ZNF469: variants seen among roughly 807,000 people sequenced by gnomAD.
ZNF469 encodes zinc finger protein 469.
In ZNF469, 1 loss-of-function variant was observed where a neutral mutation model predicts 1.0. The ratio of observed to expected loss-of-function variants is 1.00; its 90% CI spans 0.35 to 4.73. The LOEUF is 4.73. ZNF469 is among the 30% of genes most tolerant of loss of function. The pLI is 0.16. For synonymous variants in ZNF469, 2,703 were observed against 2,363.4 expected, an observed-to-expected ratio of 1.14 and a Z score of -4.17; for missense variants, 6,100 against 5,356.3, an observed-to-expected ratio of 1.14 and a Z score of -4.33.
chr16:88,434,823 T>C lies in ZNF469; in HGVS notation c.7353T>C (p.Tyr2451=). 6.5e-7 allele frequency: 1 copy of C among 1,550,272 alleles called. No homozygotes were observed. Among genetic ancestry groups the C allele is most frequent in the East Asian group, 2.4e-5 (1 of 40,908 alleles). The change falls in exon 3 of 3, where the codon TAT becomes TAC. Residue 2451 remains tyrosine, a synonymous_variant. Coordinates refer to ENST00000565624, the MANE Select transcript of ZNF469 (RefSeq NM_001367624.2). ...PQDLKQRSRG[Y]KKKPASTENG... ...ACCTCAAACAGAGGTCCCGTGGCTA[T>C]AAAAAGAAGCCTGCATCTACAGAGA...
chr16:88,134,044 G>A, the ZNF469 span, among the ~76,000 whole-genome samples: 1 of 152,206 alleles, frequency 6.6e-6, no homozygotes, highest in Non-Finnish European at 1.5e-5. Flanking sequence ...GCTGCTGCGA[G>A]CTGAGATTGT....
intron 1 of ZNF469, among the ~76,000 whole-genome samples, chr16:88,423,805 CAT>C (rs1905586570): frequency 6.6e-6 from 1 of 152,222 alleles, no homozygotes; most frequent in Admixed American, 6.5e-5. Flanking sequence ...TGCTTCCCCA[CAT>C]GTGTGATCTA....
the ZNF469 span, among the ~76,000 whole-genome samples, chr16:88,353,143 G>C: frequency 6.6e-6 from 1 of 152,170 alleles, no homozygotes; most frequent in Non-Finnish European, 1.5e-5. Context: ...AGAGAATGCT[G>C]GTCGCCTAAC....
chr16:88,234,153 G>A, the ZNF469 span, among the ~76,000 whole-genome samples: 7 of 152,226 alleles, frequency 4.6e-5, no homozygotes, highest in East Asian at 1.9e-4. Context: ...AGCAGTCCCC[G>A]AGGAGGTGGT....
the ZNF469 span, among the ~76,000 whole-genome samples, chr16:88,273,206 G>T: frequency 6.6e-6 from 1 of 151,652 alleles, no homozygotes; most frequent in Non-Finnish European, 1.5e-5. Flanking sequence ...CATGAATGAA[G>T]TTGCCAGTTG....
At chr16:88,244,324 G>C in the ZNF469 span, among the ~76,000 whole-genome samples, 1 of 151,560 alleles carries the variant, frequency 6.6e-6, no homozygotes, top group Non-Finnish European at 1.5e-5. Context: ...TGGATGGATG[G>C]GTGGATGAGT....
Position 88,432,925 on chromosome 16 carries a change from G to A in ZNF469, c.5455G>A (p.Ala1819Thr). ...GGGTGACGGGGCTCCACCTCTGGATGCCACCTGGCCTTTTGGTGCCAGTCC... is the reference window on the plus strand; with the variant it reads ...GGGTGACGGGGCTCCACCTCTGGATACCACCTGGCCTTTTGGTGCCAGTCC... ...FQGDGAPPLD[A>T]TWPFGASPSH... The change falls in exon 3 of 3, where the codon GCC becomes ACC. Residue 1819 changes from alanine (A) to threonine (T), a missense_variant. Coordinates refer to ENST00000565624, the MANE Select transcript of ZNF469 (RefSeq NM_001367624.2). 2 of 1,550,376 alleles carry A rather than the reference G, an allele frequency of 1.3e-6. No homozygotes were observed. The highest frequency in any genetic ancestry group is 1.7e-6 in the Non-Finnish European group (2 of 1,146,958).
rs199727372 is a variant in ZNF469, at chr16:88,434,737, C to A, written c.7267C>A (p.Pro2423Thr). 1.2e-3 allele frequency: 1,797 copies of A among 1,550,416 alleles called. 8 individuals are homozygous for A. The highest frequency in any genetic ancestry group is 8.2e-3 in the Middle Eastern group (49 of 5,992). Residue 2423 changes from proline (P) to threonine (T), a missense_variant, in exon 3 of 3, where the codon CCC (proline) becomes ACC (threonine). Physicochemically the swap from Pro to Thr is conservative, Grantham distance 38. Transcript: ENST00000565624. The part of the protein sequence containing the change: ...STASDFQSDS[P>T]QSHRNASHQT... ...AGCCAGTGACTTCCAGTCTGACTCC[C>A]CCCAAAGCCACAGAAATGCCTCCCA... is the stretch of plus-strand genomic sequence containing the variant.
the ZNF469 span, among the ~76,000 whole-genome samples, chr16:88,260,880 A>G: frequency 5.3e-5 from 8 of 152,186 alleles, no homozygotes. This position sits in a 1 kb window ranked among gnomAD's most constrained non-coding sequence, Gnocchi z 4.1. Flanking sequence ...AAGAGGGAAC[A>G]GAAAGAAGTT....
At chr16:88,114,929 A>G in the ZNF469 span, among the ~76,000 whole-genome samples, 1 of 148,162 alleles carries the variant, frequency 6.7e-6, no homozygotes, top group African/African-American at 2.5e-5. Context: ...CTCAGTCTGT[A>G]AAAAATTTCA....
the ZNF469 span, among the ~76,000 whole-genome samples, chr16:88,222,192 CT>C: frequency 6.6e-6 from 1 of 152,212 alleles, no homozygotes; most frequent in Non-Finnish European, 1.5e-5. Flanking sequence ...GTAATGTTTT[CT>C]GTTTTCTCTC....
chr16:88,278,816 C>T, the ZNF469 span, among the ~76,000 whole-genome samples: 270 of 136,510 alleles, frequency 2.0e-3, 42 homozygotes, highest in Middle Eastern at 4.5e-3. Context: ...TGCTGTGCCA[C>T]GCTGACACTC....
the ZNF469 span, among the ~76,000 whole-genome samples, chr16:88,146,079 C>G: frequency 6.6e-6 from 1 of 152,254 alleles, no homozygotes; most frequent in African/African-American, 2.4e-5. Context: ...GGTGCAGGGC[C>G]TGCCTGCTCG....
At chr16:88,273,430 A>G in the ZNF469 span, among the ~76,000 whole-genome samples, 1 of 152,096 alleles carries the variant, frequency 6.6e-6, no homozygotes, top group East Asian at 1.9e-4. Flanking sequence ...ATGCAAATCA[A>G]AACCACACTG....
At chr16:88,238,578 C>T in the ZNF469 span, among the ~76,000 whole-genome samples, 1 of 152,240 alleles carries the variant, frequency 6.6e-6, no homozygotes, top group Admixed American at 6.5e-5. Flanking sequence ...TGTCCAGGTC[C>T]TCTCTGGGTT....
At chr16:88,242,155 C>T in the ZNF469 span, among the ~76,000 whole-genome samples, 1 of 152,222 alleles carries the variant, frequency 6.6e-6, no homozygotes, top group African/African-American at 2.4e-5. Flanking sequence ...GAGCCCAGCG[C>T]TCTGCAACCG....
At chr16:88,367,672 A>G in the ZNF469 span, among the ~76,000 whole-genome samples, 1 of 152,212 alleles carries the variant, frequency 6.6e-6, no homozygotes, top group Admixed American at 6.5e-5. Flanking sequence ...CCAAGCATGC[A>G]GTGACCTCCA....
Position 88,430,310 on chromosome 16 carries a change from G to C in ZNF469, c.2840G>C (p.Arg947Thr), listed in dbSNP as rs1397809125. 5 of 1,515,402 alleles carry C rather than the reference G, an allele frequency of 3.3e-6. No homozygotes were observed. Among genetic ancestry groups the C allele is most frequent in the Non-Finnish European group, 4.4e-6 (5 of 1,135,008 alleles). The allele number at this position is 1,515,402 out of a possible 1,614,324, so 93.9% of individuals were successfully genotyped here. A position where few individuals can be genotyped will look rare whatever the true frequency, so the allele number is the denominator to read the frequency against. ...CCCAGCCAGGGCAGGCAGCAGAGGA[G>C]GGGGAAGCAGTTGAAGCTGTTCCGG... is the stretch of plus-strand genomic sequence containing the variant. ...DAPSQGRQQR[R>T]GKQLKLFRKD... Residue 947 changes from arginine (R) to threonine (T), a missense_variant, in exon 3 of 3, where the codon AGG becomes ACG. Coordinates refer to ENST00000565624, the MANE Select transcript of ZNF469 (RefSeq NM_001367624.2).
At chr16:88,229,554 A>ATGCCACG in the ZNF469 span, among the ~76,000 whole-genome samples, 4 of 135,870 alleles carry the variant, frequency 2.9e-5, no homozygotes, top group African/African-American at 7.9e-5. Flanking sequence ...TGGATGTCAC[A>ATGCCACG]CGTGTGGATG....
Sources: allele counts gnomAD v4.1 joint callset (sites outside exome capture counted in the v4.1 genomes callset), GRCh38; gene constraint gnomAD v4.1.1; non-coding constraint Gnocchi (gnomAD v3.1); transcripts MANE v1.5; gene names NCBI Gene and HGNC (gene_info 2026-07-23, HGNC 2026-07-21).